ENTREP2: variants seen among roughly 807,000 people sequenced by gnomAD.
The protein encoded by ENTREP2 is protein ENTREP2.
the ENTREP2 span, among the ~76,000 whole-genome samples, chr15:29,313,603 G>GA: frequency 2.0e-5 from 3 of 151,898 alleles, no homozygotes; most frequent in Non-Finnish European, 2.9e-5. Context: ...CTAACGCTCA[G>GA]AAAAAAAATA....
the ENTREP2 span, among the ~76,000 whole-genome samples, chr15:29,392,076 C>T: frequency 6.6e-6 from 1 of 152,066 alleles, no homozygotes; most frequent in African/African-American, 2.4e-5. Flanking sequence ...GATCTGCCCG[C>T]CTCAGCCTCC....
At chr15:29,478,197 AT>A in the ENTREP2 span, among the ~76,000 whole-genome samples, 1 of 149,840 alleles carries the variant, frequency 6.7e-6, no homozygotes, top group Non-Finnish European at 1.5e-5. Flanking sequence ...GCTAATTTTT[AT>A]TGTATTTTTT....
At chr15:29,366,378 A>G in the ENTREP2 span, among the ~76,000 whole-genome samples, 1 of 152,186 alleles carries the variant, frequency 6.6e-6, no homozygotes, top group Non-Finnish European at 1.5e-5. Flanking sequence ...TCCGACCTTC[A>G]TTAAATTTAA....
the ENTREP2 span, among the ~76,000 whole-genome samples, chr15:29,295,173 G>C: frequency 6.6e-6 from 1 of 152,206 alleles, no homozygotes; most frequent in African/African-American, 2.4e-5. Flanking sequence ...AGGAAATAAT[G>C]AATGAACTGT....
At chr15:29,227,268 G>A in the ENTREP2 span, among the ~76,000 whole-genome samples, 1 of 152,194 alleles carries the variant, frequency 6.6e-6, no homozygotes. Context: ...CCCTTCTCAG[G>A]CACCCAGAAC....
chr15:29,460,948 G>T, the ENTREP2 span, among the ~76,000 whole-genome samples: 1 of 152,132 alleles, frequency 6.6e-6, no homozygotes, highest in African/African-American at 2.4e-5. Context: ...CTTCTGACCT[G>T]TTTTTAGTCT....
chr15:29,436,908 C>A, the ENTREP2 span, among the ~76,000 whole-genome samples: 8 of 152,308 alleles, frequency 5.3e-5, no homozygotes, highest in Admixed American at 2.0e-4. Context: ...GAATTTCAAA[C>A]GGTCATATTT....
chr15:29,362,018 G>A, the ENTREP2 span, among the ~76,000 whole-genome samples: 3 of 152,098 alleles, frequency 2.0e-5, no homozygotes, highest in African/African-American at 4.8e-5. Flanking sequence ...CAACAGACAC[G>A]GATCACAGGA....
chr15:29,148,474 A>G, the ENTREP2 span, among the ~76,000 whole-genome samples: 1 of 152,362 alleles, frequency 6.6e-6, no homozygotes, highest in South Asian at 2.1e-4. Flanking sequence ...GTATGTGGAC[A>G]TAACCTACAC....
chr15:29,546,906 A>AC, the ENTREP2 span, among the ~76,000 whole-genome samples: 5 of 125,202 alleles, frequency 4.0e-5, no homozygotes, highest in East Asian at 9.4e-4. Flanking sequence ...AACAACAACA[A>AC]AAAAAAAAAC....
At chr15:29,498,497 A>G in the ENTREP2 span, among the ~76,000 whole-genome samples, 4 of 152,182 alleles carry the variant, frequency 2.6e-5, no homozygotes, top group African/African-American at 9.6e-5. Flanking sequence ...GAAATATTAC[A>G]TAATTTGATA....
At chr15:29,648,629 C>T in the ENTREP2 span, among the ~76,000 whole-genome samples, 656 of 152,242 alleles carry the variant, frequency 4.3e-3, 6 homozygotes, top group African/African-American at 0.015. Flanking sequence ...ATTGAAGTTA[C>T]GCAATGATTA....
the ENTREP2 span, among the ~76,000 whole-genome samples, chr15:29,636,408 A>G: frequency 6.6e-6 from 1 of 152,192 alleles, no homozygotes; most frequent in African/African-American, 2.4e-5. Context: ...CTGCTGATCA[A>G]AGGAGGAGGA....
At chr15:29,493,203 G>A in the ENTREP2 span, among the ~76,000 whole-genome samples, 11 of 111,328 alleles carry the variant, frequency 9.9e-5, no homozygotes, top group Admixed American at 2.3e-4. Context: ...GCGGGATCTC[G>A]GCTCACTGCA....
the ENTREP2 span, chr15:29,126,456 C>T: frequency 1.3e-6 from 2 of 1,550,098 alleles, no homozygotes; most frequent in Non-Finnish European, 8.7e-7. Context: ...GTAGCAGTGC[C>T]CTCGGACACC....
At chr15:29,619,182 G>A in the ENTREP2 span, among the ~76,000 whole-genome samples, 1 of 152,178 alleles carries the variant, frequency 6.6e-6, no homozygotes, top group Admixed American at 6.6e-5. Flanking sequence ...CACAAGGTCA[G>A]GAGATCAAGA....
chr15:29,461,050 ATAAC>A, the ENTREP2 span, among the ~76,000 whole-genome samples: 2 of 151,506 alleles, frequency 1.3e-5, no homozygotes, highest in Non-Finnish European at 2.9e-5. Flanking sequence ...TCTCAAGACA[ATAAC>A]TACGGCATCA....
the ENTREP2 span, among the ~76,000 whole-genome samples, chr15:29,125,806 G>T: frequency 6.6e-6 from 1 of 152,220 alleles, no homozygotes; most frequent in Non-Finnish European, 1.5e-5. Flanking sequence ...CGCAGACACA[G>T]TCGCATGGGG....
chr15:29,169,986 A>G, the ENTREP2 span, among the ~76,000 whole-genome samples: 1 of 152,212 alleles, frequency 6.6e-6, no homozygotes, highest in Admixed American at 6.5e-5. Flanking sequence ...AACTAAATAT[A>G]ATAGTTGTGC....
Sources: allele counts gnomAD v4.1 joint callset (sites outside exome capture counted in the v4.1 genomes callset), GRCh38; gene constraint gnomAD v4.1.1; transcripts MANE v1.5; gene names NCBI Gene and HGNC (gene_info 2026-07-23, HGNC 2026-07-21).